Variants in ZFPM2 observed in about 807,000 individuals in gnomAD.
ZFPM2 encodes the protein zinc finger protein, FOG family member 2, also known as zinc finger protein ZFPM2.
In ZFPM2, 20 loss-of-function variants were observed where a neutral mutation model predicts 98.6. The ratio of observed to expected loss-of-function variants is 0.20; its 90% confidence interval spans 0.14 to 0.29. ZFPM2 has a LOEUF of 0.29. Ranked by LOEUF, ZFPM2 falls within the 10% of genes least tolerant of loss-of-function variation. The pLI is 1.00. For synonymous variants in ZFPM2, 518 were observed against 502.7 expected (o/e 1.03, Z -0.41); for missense variants, 1,310 against 1,388.6 (o/e 0.94, Z 0.90).
chr8:105,390,765 A>T (rs868086878), intron 1 of ZFPM2, among the ~76,000 whole-genome samples: 2 of 152,182 alleles, frequency 1.3e-5, no homozygotes, highest in Admixed American at 1.3e-4. Flanking sequence ...ATGAGGAAGG[A>T]ATTATACCAG....
chr8:105,644,345 T>TCC (rs1010701774), intron 5 of ZFPM2, among the ~76,000 whole-genome samples: 19 of 150,268 alleles, frequency 1.3e-4, no homozygotes, highest in Admixed American at 4.7e-4. Flanking sequence ...GGTCTCAAAC[T>TCC]CCTGGCCTCA....
At chr8:105,607,517 G>A (rs1417894811) in intron 4 of ZFPM2, among the ~76,000 whole-genome samples, 1 of 152,060 alleles carries the variant, frequency 6.6e-6, no homozygotes, top group Non-Finnish European at 1.5e-5. Context: ...ATAGGAGGAA[G>A]TGACCTTTGA....
intron 3 of ZFPM2, among the ~76,000 whole-genome samples, chr8:105,451,922 A>G (rs1387927464): frequency 1.3e-5 from 2 of 152,204 alleles, no homozygotes; most frequent in Non-Finnish European, 2.9e-5. Context: ...GTTCACAAAA[A>G]TATATTATTT....
chr8:105,762,795 C>T (rs1212438922), intron 5 of ZFPM2, among the ~76,000 whole-genome samples: 1 of 151,868 alleles, frequency 6.6e-6, no homozygotes, highest in East Asian at 1.9e-4. Context: ...AATCCAGACT[C>T]AATGGCACAG....
At position 105,802,029 on chromosome 8, in the gene ZFPM2, A is replaced by G. The variant is rs1240377306; in HGVS notation, c.1947A>G (p.Gln649=). The G allele has an allele frequency of 3.1e-6, 5 of 1,613,712 alleles. No homozygotes were observed. The highest frequency in any genetic ancestry group is 2.7e-5 in the African/African-American group (2 of 74,910). ...GKGHDKDFST[Q]TKKLSTSSNN... ...GCCATGACAAGGACTTTTCCACTCA[A>G]ACTAAGAAGCTCTCCACCTCCAGTA... is the stretch of plus-strand genomic sequence containing the variant. The change falls in exon 8 of 8, where the codon CAA becomes CAG. Residue 649 remains glutamine, a synonymous_variant. Transcript: ENST00000407775.
rs574901771 is a variant in ZFPM2, at chr8:105,558,977, TAAG to T, written c.302-2383_302-2381del. On this transcript the variant is annotated intron_variant, in intron 3 of 7. Coordinates refer to ENST00000407775, the MANE Select transcript of ZFPM2 (RefSeq NM_012082.4). ...AGAAATTAAACAGTTTATTTTCAAATAAGAAAATTATCCTAAATATTTCAATAA... is the reference window on the plus strand; with the variant it reads ...AGAAATTAAACAGTTTATTTTCAAATAAAATTATCCTAAATATTTCAATAA... 3.9e-5 allele frequency among the ~76,000 whole-genome samples: 6 copies of T among 152,248 alleles called. No individual in the cohort carries two copies. The South Asian group carries it at 1.2e-3, about 32-fold the overall frequency.
At chr8:105,746,562 C>A (rs1438230480) in intron 5 of ZFPM2, among the ~76,000 whole-genome samples, 2 of 150,352 alleles carry the variant, frequency 1.3e-5, no homozygotes, top group African/African-American at 4.9e-5. Flanking sequence ...ATATACGTGA[C>A]AATAATCTGT....
chr8:105,320,571 T>G (rs1812005942), intron 1 of ZFPM2, among the ~76,000 whole-genome samples: 1 of 152,214 alleles, frequency 6.6e-6, no homozygotes, highest in Non-Finnish European at 1.5e-5. Context: ...CCGTGCTTAT[T>G]ATAAGATATG....
At chr8:105,779,685 T>C (rs1813197878) in intron 5 of ZFPM2, among the ~76,000 whole-genome samples, 1 of 152,208 alleles carries the variant, frequency 6.6e-6, no homozygotes, top group African/African-American at 2.4e-5. Flanking sequence ...GGGAGTATTT[T>C]TGTGTTTATC....
chr8:105,771,471 T>C (rs965141584), intron 5 of ZFPM2, among the ~76,000 whole-genome samples: 4 of 152,196 alleles, frequency 2.6e-5, no homozygotes, highest in Non-Finnish European at 5.9e-5. Flanking sequence ...TTGTTAATCC[T>C]ATTGGAAACA....
At chr8:105,692,078 A>G (rs1178369531) in intron 5 of ZFPM2, among the ~76,000 whole-genome samples, 4 of 152,232 alleles carry the variant, frequency 2.6e-5, no homozygotes, top group Non-Finnish European at 5.9e-5. Flanking sequence ...GTGGACTCCA[A>G]AGAAACAGAA....
intron 5 of ZFPM2, among the ~76,000 whole-genome samples, chr8:105,714,930 A>T (rs1161990331): frequency 6.6e-6 from 1 of 152,154 alleles, no homozygotes; most frequent in East Asian, 1.9e-4. Flanking sequence ...ATCTGAAATT[A>T]TTATCTATTT....
At chr8:105,585,255 G>A (rs1226464252) in intron 4 of ZFPM2, among the ~76,000 whole-genome samples, 1 of 152,178 alleles carries the variant, frequency 6.6e-6, no homozygotes, top group Non-Finnish European at 1.5e-5. Flanking sequence ...GCATAAAACA[G>A]CTGTGGTGAA....
At chr8:105,444,415 A>C (rs754775130) in intron 3 of ZFPM2, 34 bp downstream of exon 3, 18 of 1,504,892 alleles carry the variant, frequency 1.2e-5, no homozygotes, top group Middle Eastern at 1.7e-4. Context: ...AACCGTCTTT[A>C]GTACTGTTAG....
chr8:105,428,364 T>G (rs1356269101), intron 2 of ZFPM2, among the ~76,000 whole-genome samples: 1 of 152,252 alleles, frequency 6.6e-6, no homozygotes, highest in Admixed American at 6.5e-5. Flanking sequence ...CTTTAAAGAC[T>G]GTCAGTATAA....
chr8:105,641,348 A>G (rs1214995652), intron 5 of ZFPM2, among the ~76,000 whole-genome samples: 1 of 152,074 alleles, frequency 6.6e-6, no homozygotes, highest in East Asian at 1.9e-4. Flanking sequence ...GCGATGCCGA[A>G]AACCCATGTT....
chr8:105,514,370 C>G lies in ZFPM2; in HGVS notation c.302-46993C>G, dbSNP rs183068774. Reference sequence around the variant, plus strand: ...GAGCCAGATAGGCCTTAAAATACATCATTCACTCTCTGATGGAGATTTAAG... The same window carrying G: ...GAGCCAGATAGGCCTTAAAATACATGATTCACTCTCTGATGGAGATTTAAG... On this transcript the variant is annotated intron_variant, in intron 3 of 7. Coordinates refer to ENST00000407775, the MANE Select transcript of ZFPM2 (RefSeq NM_012082.4). Among the ~76,000 whole-genome samples the G allele has an allele frequency of 4.3e-5, 6 of 140,180 alleles. No individual in the cohort carries two copies. The Admixed American group carries it at 4.5e-4, about 10-fold the overall frequency. The allele number at this position is 140,180 out of a possible 152,430, so 92.0% of individuals were successfully genotyped here.
intron 4 of ZFPM2, among the ~76,000 whole-genome samples, chr8:105,629,323 A>G (rs1184872045): frequency 6.6e-6 from 1 of 152,202 alleles, no homozygotes; most frequent in Admixed American, 6.5e-5. Flanking sequence ...CCTGCTTCAT[A>G]ATGACTTATA....
At chr8:105,469,394 C>T (rs1420300158) in intron 3 of ZFPM2, among the ~76,000 whole-genome samples, 1 of 152,092 alleles carries the variant, frequency 6.6e-6, no homozygotes, top group South Asian at 2.1e-4. Flanking sequence ...TCTCAATCTC[C>T]TACTCCTTTT....
Sources: allele counts gnomAD v4.1 joint callset (sites outside exome capture counted in the v4.1 genomes callset), GRCh38; gene constraint gnomAD v4.1.1; transcripts MANE v1.5; gene names NCBI Gene and HGNC (gene_info 2026-07-23, HGNC 2026-07-21).